SGCZ: variants seen among roughly 807,000 people sequenced by gnomAD.
SGCZ encodes zeta-sarcoglycan.
Under a neutral mutation model 41.3 loss-of-function variants are expected in SGCZ, and 40 were observed. The ratio of observed to expected loss-of-function variants is 0.97; its 90% confidence interval spans 0.75 to 1.26. The LOEUF is 1.26. SGCZ is among the 50% of genes most tolerant of loss of function. The probability of loss-of-function intolerance (pLI) is 0.00; values close to 1 mark genes in which losing one functional copy is unlikely to be tolerated. For missense variants in SGCZ, 552 were observed against 369.8 expected (o/e 1.49, Z -4.04); for synonymous variants, 206 against 137.5 (o/e 1.50, Z -3.49).
intron 1 of SGCZ, among the ~76,000 whole-genome samples, chr8:14,605,726 A>T (rs1333546194): frequency 2.6e-5 from 4 of 152,208 alleles, no homozygotes; most frequent in African/African-American, 9.6e-5. Flanking sequence ...TTATTTGCAG[A>T]TATAGTTACT....
chr8:14,467,857 C>A (rs1186520659), intron 2 of SGCZ, among the ~76,000 whole-genome samples: 1 of 152,006 alleles, frequency 6.6e-6, no homozygotes, highest in Non-Finnish European at 1.5e-5. Flanking sequence ...CCTACTGATG[C>A]AAAGTCATTC....
At chr8:15,185,515 T>C (rs1263070564) in intron 1 of SGCZ, among the ~76,000 whole-genome samples, 1 of 152,248 alleles carries the variant, frequency 6.6e-6, no homozygotes, top group Non-Finnish European at 1.5e-5. Context: ...ACTCACTTGA[T>C]ATATGAGAAA....
intron 1 of SGCZ, among the ~76,000 whole-genome samples, chr8:14,778,214 C>G (rs1800473228): frequency 6.6e-6 from 1 of 152,078 alleles, no homozygotes; most frequent in Non-Finnish European, 1.5e-5. Context: ...CATGAGCCAG[C>G]TAAAAATCTT....
intron 2 of SGCZ, among the ~76,000 whole-genome samples, chr8:14,546,156 T>A (rs1803618991): frequency 6.6e-6 from 1 of 152,122 alleles, no homozygotes; most frequent in African/African-American, 2.4e-5. Flanking sequence ...ATCAATCCTG[T>A]AATAAATCCA....
intron 2 of SGCZ, among the ~76,000 whole-genome samples, chr8:14,533,982 C>G (rs11987722): frequency 0.9 from 136,102 of 151,918 alleles, 61,174 homozygotes; most frequent in Middle Eastern, 0.95. Flanking sequence ...CGTGACACAG[C>G]AGCAAGGCTC....
At chr8:14,309,194 C>A (rs1309321885) in intron 3 of SGCZ, 2 of 1,483,904 alleles carry the variant, frequency 1.3e-6, no homozygotes, top group African/African-American at 1.4e-5. Context: ...GCAAGCAAAC[C>A]TGCTGCGGCT....
chr8:14,583,693 G>C (rs1456722496), intron 1 of SGCZ, among the ~76,000 whole-genome samples: 2 of 152,090 alleles, frequency 1.3e-5, no homozygotes, highest in African/African-American at 2.4e-5. Context: ...AATTCGAGTA[G>C]AGATGAAAAA....
chr8:14,337,622 G>A (rs886690293), intron 2 of SGCZ, among the ~76,000 whole-genome samples: 2 of 152,138 alleles, frequency 1.3e-5, no homozygotes, highest in Non-Finnish European at 2.9e-5. Context: ...GAAAGTCTCA[G>A]GAAAGTAGAT....
At chr8:14,925,676 G>A (rs1450325594) in intron 1 of SGCZ, among the ~76,000 whole-genome samples, 1 of 152,180 alleles carries the variant, frequency 6.6e-6, no homozygotes, top group Non-Finnish European at 1.5e-5. Context: ...CAGATCCAGT[G>A]TGGCAAGGTT....
intron 1 of SGCZ, among the ~76,000 whole-genome samples, chr8:14,902,134 G>T (rs1386914361): frequency 6.6e-6 from 1 of 152,020 alleles, no homozygotes; most frequent in Non-Finnish European, 1.5e-5. Flanking sequence ...GCTCTGGTAG[G>T]ACAAGGGAAA....
chr8:14,432,738 ACT>A (rs1335247834), intron 2 of SGCZ, among the ~76,000 whole-genome samples: 2 of 151,910 alleles, frequency 1.3e-5, no homozygotes, highest in African/African-American at 4.8e-5. Context: ...ACGTGGTGAA[ACT>A]CTATTTCTGC....
At chr8:14,901,129 C>G (rs59044063) in intron 1 of SGCZ, among the ~76,000 whole-genome samples, 3,714 of 152,282 alleles carry the variant, frequency 0.024, 152 homozygotes, top group African/African-American at 0.085. Context: ...GCATAAATAT[C>G]AATCTAATTA....
At chr8:15,015,826 C>T (rs1266666863) in intron 1 of SGCZ, among the ~76,000 whole-genome samples, 2 of 149,518 alleles carry the variant, frequency 1.3e-5, no homozygotes, top group Non-Finnish European at 3.0e-5. Flanking sequence ...TCCCTCCCTT[C>T]TAGCCAATTT....
intron 1 of SGCZ, among the ~76,000 whole-genome samples, chr8:14,799,681 TA>T (rs111382922): frequency 1.9e-4 from 27 of 143,726 alleles, no homozygotes; most frequent in South Asian, 6.5e-4. Context: ...AAGGGCAAAA[TA>T]AAAAAAAATT....
chr8:15,213,129 G>T (rs984533881), intron 1 of SGCZ, among the ~76,000 whole-genome samples: 2 of 151,922 alleles, frequency 1.3e-5, no homozygotes, highest in African/African-American at 2.4e-5. Flanking sequence ...AAGCATAATT[G>T]TATACTAAAT....
chr8:14,802,813 A>C (rs1470496982), intron 1 of SGCZ, among the ~76,000 whole-genome samples: 1 of 152,200 alleles, frequency 6.6e-6, no homozygotes, highest in Non-Finnish European at 1.5e-5. Flanking sequence ...TGTTCCAAGA[A>C]ATAGGGTGAA....
At chr8:15,022,761 T>C (rs1397739666) in intron 1 of SGCZ, among the ~76,000 whole-genome samples, 2 of 152,368 alleles carry the variant, frequency 1.3e-5, no homozygotes, top group Middle Eastern at 3.4e-3. Flanking sequence ...ATAACTTTCA[T>C]ATTCAATGTA....
At chr8:14,577,618 C>T (rs1218371765) in intron 1 of SGCZ, among the ~76,000 whole-genome samples, 1 of 152,046 alleles carries the variant, frequency 6.6e-6, no homozygotes, top group Non-Finnish European at 1.5e-5. Context: ...CAAGTCCTGA[C>T]CTCAGGTGAT....
At chr8:15,165,269 C>A (rs1194431171) in intron 1 of SGCZ, among the ~76,000 whole-genome samples, 1 of 152,214 alleles carries the variant, frequency 6.6e-6, no homozygotes, top group South Asian at 2.1e-4. Context: ...CAGCCTGGGA[C>A]AGAGCGAGAC....
Sources: gnomAD v4.1 joint callset for allele counts (sites outside exome capture counted in the v4.1 genomes callset) on GRCh38, gnomAD v4.1.1 for gene constraint, MANE v1.5 for transcripts, NCBI Gene and HGNC (gene_info 2026-07-23, HGNC 2026-07-21) for gene names.